The following NEK4 variants were observed in gnomAD, a reference collection of about 807,000 sequenced individuals.
NEK4 encodes serine/threonine-protein kinase Nek4.
In NEK4, 86 loss-of-function variants were observed where a neutral mutation model predicts 98.4. The ratio of observed to expected loss-of-function variants is 0.87; its 90% CI spans 0.73 to 1.05. NEK4 has a LOEUF of 1.05. NEK4 is among the 50% of genes least tolerant of loss of function. The pLI, the probability that NEK4 is intolerant of heterozygous loss-of-function variation, is 0.00. For synonymous variants in NEK4, 328 were observed against 342.2 expected, an observed-to-expected ratio of 0.96 and a Z score of 0.46; for missense variants, 898 against 950.3, an observed-to-expected ratio of 0.94 and a Z score of 0.72.
At chr3:52,753,495 C>T (rs1449059569) in intron 6 of NEK4, 1 of 425,046 alleles carries the variant, frequency 2.4e-6, no homozygotes, top group East Asian at 6.2e-5. Context: ...TGATGACATA[C>T]TACTGAATTT....
intron 15 of NEK4, among the ~76,000 whole-genome samples, chr3:52,717,782 A>AATTATT (rs765388008): frequency 1.3e-5 from 2 of 151,588 alleles, no homozygotes; most frequent in Non-Finnish European, 2.9e-5. Context: ...ACTTTAATTA[A>AATTATT]ATTATTATTA....
intron 4 of NEK4, among the ~76,000 whole-genome samples, chr3:52,764,276 ACT>A (rs1280315808): frequency 6.8e-6 from 1 of 147,998 alleles, no homozygotes; most frequent in African/African-American, 2.5e-5. Flanking sequence ...ACAGAGCGAG[ACT>A]CTGTCTCAAA....
chr3:52,753,653 A>G, intron 6 of NEK4: 1 of 586,248 alleles, frequency 1.7e-6, no homozygotes. Context: ...TTCTATTCCC[A>G]AAAATGCTTT....
chr3:52,744,201 T>C, intron 11 of NEK4, 38 bp downstream of exon 11: 1 of 1,501,284 alleles, frequency 6.7e-7, no homozygotes. Flanking sequence ...ACCATACCCC[T>C]AACTGCCAAT....
intron 15 of NEK4, among the ~76,000 whole-genome samples, chr3:52,718,376 G>C (rs2154102022): frequency 6.6e-6 from 1 of 151,314 alleles, no homozygotes; most frequent in Non-Finnish European, 1.5e-5. Context: ...GGTAGGATGA[G>C]GCAGGAGAAT....
intron 15 of NEK4, chr3:52,734,974 T>C (rs568682602): frequency 5.9e-5 from 11 of 185,238 alleles, no homozygotes; most frequent in South Asian, 4.4e-4. Flanking sequence ...CCTGTGTATA[T>C]GCTTTCCTAC....
chr3:52,731,225 T>C (rs1031675625), intron 15 of NEK4, among the ~76,000 whole-genome samples: 6 of 152,208 alleles, frequency 3.9e-5, no homozygotes, highest in South Asian at 2.1e-4. Context: ...CCAGAAATGA[T>C]AGAGTTACAA....
intron 15 of NEK4, among the ~76,000 whole-genome samples, chr3:52,720,663 G>A (rs1399557589): frequency 6.6e-6 from 1 of 152,164 alleles, no homozygotes; most frequent in Non-Finnish European, 1.5e-5. Flanking sequence ...TCCATATCTA[G>A]CAAATCTATC....
chr3:52,730,781 G>A (rs892667280), intron 15 of NEK4, among the ~76,000 whole-genome samples: 2 of 152,142 alleles, frequency 1.3e-5, no homozygotes, highest in Non-Finnish European at 2.9e-5. Flanking sequence ...CTTTCTTTGT[G>A]GGCCAGTTTA....
At chr3:52,750,816 A>G (rs2097403682) in intron 7 of NEK4, among the ~76,000 whole-genome samples, 1 of 152,134 alleles carries the variant, frequency 6.6e-6, no homozygotes, top group African/African-American at 2.4e-5. Context: ...CTGTGGTCCC[A>G]GCTACTCAGG....
At chr3:52,718,468 G>A (rs866546338) in intron 15 of NEK4, among the ~76,000 whole-genome samples, 41 of 93,866 alleles carry the variant, frequency 4.4e-4, no homozygotes, top group African/African-American at 4.8e-4. Flanking sequence ...GTAAGACTCC[G>A]TCTCAAAAAA....
At chr3:52,753,716 A>G (rs750936722) in intron 6 of NEK4, 19 of 570,624 alleles carry the variant, frequency 3.3e-5, no homozygotes, top group Non-Finnish European at 6.0e-5. Context: ...AACAAATGGC[A>G]TGCATGCTTC....
At chr3:52,760,748 T>C in intron 6 of NEK4, 47 bp downstream of exon 6, 1 of 1,420,834 alleles carries the variant, frequency 7.0e-7, no homozygotes, top group Non-Finnish European at 9.8e-7. Context: ...TGGCCCATTT[T>C]TCTAAGTGCA....
At chr3:52,719,373 T>A (rs554385344) in intron 15 of NEK4, among the ~76,000 whole-genome samples, 1 of 151,936 alleles carries the variant, frequency 6.6e-6, no homozygotes, top group Admixed American at 6.6e-5. Context: ...GATACTGACA[T>A]TGGAGTACAA....
rs2097406242 is a variant in NEK4 at position 52,752,112 on chromosome 3, C to A, written c.1188G>T (p.Glu396Asp). The change falls in exon 7 of 16, where the codon GAG (glutamate) becomes GAT (aspartate). Residue 396 changes from glutamate (E) to aspartate (D), a missense_variant. By Grantham distance (45) the Glu-to-Asp change is conservative (BLOSUM62 2). Transcript: ENST00000233027. Reference protein sequence around the residue: ...NQPRYLDASNELGGICSISQV... With the variant: ...NQPRYLDASNDLGGICSISQV... Reference sequence around the variant, plus strand: ...GAGAAATACTGCATATACCTCCTAACTCATTAGAGGCATCCAAATATCTTG... The same window carrying A: ...GAGAAATACTGCATATACCTCCTAAATCATTAGAGGCATCCAAATATCTTG... 6.2e-7 allele frequency: 1 copy of A among 1,614,070 alleles called. No homozygotes were observed. The highest frequency in any genetic ancestry group is 1.3e-5 in the African/African-American group (1 of 74,922).
chr3:52,757,798 C>T (rs1348979831), intron 6 of NEK4, among the ~76,000 whole-genome samples: 4 of 151,986 alleles, frequency 2.6e-5, no homozygotes, highest in Admixed American at 6.6e-5. Flanking sequence ...TTATGTGAAA[C>T]GAAATAAGGC....
chr3:52,770,898 C>CA lies in NEK4; in HGVS notation c.-153_-152insT, dbSNP rs1435375185. ...GGCGGGATTGCTGGGGCCCGGCCCGCGACGACGCCGCTGCCATAGCGATCC... is the reference window on the plus strand; with the variant it reads ...GGCGGGATTGCTGGGGCCCGGCCCGCAGACGACGCCGCTGCCATAGCGATCC... On this transcript the variant is annotated 5_prime_UTR_variant, in exon 1 of 16. It removes the in-frame stop codon of an upstream open reading frame in the 5' UTR. Coordinates refer to ENST00000233027, the MANE Select transcript of NEK4 (RefSeq NM_003157.6). 1.6e-6 allele frequency: 1 copy of CA among 635,896 alleles called. No homozygotes were observed. Among genetic ancestry groups the CA allele is most frequent in the Non-Finnish European group, 2.7e-6 (1 of 370,192 alleles). The allele number at this position is 635,896 out of a possible 1,614,324, so 39.4% of individuals were successfully genotyped here. A position where few individuals can be genotyped will look rare whatever the true frequency, so the allele number is the denominator to read the frequency against.
chr3:52,770,896 C>A lies in NEK4; in HGVS notation c.-150G>T. ...CGGGCGGGATTGCTGGGGCCCGGCCCGCGACGACGCCGCTGCCATAGCGAT... is the reference window on the plus strand; with the variant it reads ...CGGGCGGGATTGCTGGGGCCCGGCCAGCGACGACGCCGCTGCCATAGCGAT... On this transcript the variant is annotated 5_prime_UTR_variant, in exon 1 of 16. Transcript: ENST00000233027. 4.7e-6 allele frequency: 3 copies of A among 642,692 alleles called. No individual in the cohort carries two copies. The highest frequency in any genetic ancestry group is 2.8e-5 in the East Asian group (1 of 35,982). 39.8% of individuals were successfully genotyped at this position (642,692 alleles called of 1,614,324 possible). A position where few individuals can be genotyped will look rare whatever the true frequency, so the allele number is the denominator to read the frequency against.
Position 52,763,471 on chromosome 3 carries a change from T to A in NEK4, c.820A>T (p.Ile274Leu), listed in dbSNP as rs149674873. 6.2e-7 allele frequency: 1 copy of A among 1,612,858 alleles called. No homozygotes were observed. Among genetic ancestry groups the A allele is most frequent in the Non-Finnish European group, 8.5e-7 (1 of 1,179,488 alleles). The change falls in exon 5 of 16, where the codon ATA becomes TTA. Residue 274 changes from isoleucine (I) to leucine (L), a missense_variant and splice_region_variant. Ile to Leu is a conservative substitution (Grantham distance 5). Transcript: ENST00000233027. The part of the protein sequence containing the change: ...QISFFLEATK[I>L]KTSKNNIKNG... ...CTATTTGCAAGGGAAGTATCTTACA[T>A]CTTTGTGGCCTCCAAAAAGAAGGAG...
Sources: allele counts gnomAD v4.1 joint callset (sites outside exome capture counted in the v4.1 genomes callset), GRCh38; gene constraint gnomAD v4.1.1; transcripts MANE v1.5; gene names NCBI Gene and HGNC (gene_info 2026-07-23, HGNC 2026-07-21).